Variants in RAPGEF4 observed in about 807,000 individuals in gnomAD.
RAPGEF4 encodes RAP guanine-nucleotide-exchange factor (GEF) 4.
RAPGEF4 carries 66 observed loss-of-function variants against 147.9 expected under a neutral mutation model. The ratio of observed to expected loss-of-function variants is 0.45; its 90% CI spans 0.37 to 0.55. The LOEUF is 0.55. Among genes scored for constraint, RAPGEF4 ranks in the 20% least tolerant of loss-of-function variants. The probability of loss-of-function intolerance (pLI) is 0.00; values close to 1 mark genes in which losing one functional copy is unlikely to be tolerated. For synonymous variants in RAPGEF4, 419 were observed against 442.7 expected, an observed-to-expected ratio of 0.95 and a Z score of 0.67; for missense variants, 1,071 against 1,257.3, an observed-to-expected ratio of 0.85 and a Z score of 2.24.
At chr2:172,937,355 A>G (rs6754041) in intron 6 of RAPGEF4, among the ~76,000 whole-genome samples, 26 of 152,148 alleles carry the variant, frequency 1.7e-4, no homozygotes, top group African/African-American at 6.0e-4. Context: ...CCTTTTGGCT[A>G]TCCATTTCTC....
Position 172,735,906 on chromosome 2 carries a change from C to CGAGGCG in RAPGEF4, c.-76_-71dup. 8.1e-7 allele frequency: 1 copy of CGAGGCG among 1,232,242 alleles called. No homozygotes were observed. Among genetic ancestry groups the CGAGGCG allele is most frequent in the Admixed American group, 4.0e-5 (1 of 25,180 alleles). The allele number at this position is 1,232,242 out of a possible 1,614,324, so 76.3% of individuals were successfully genotyped here. ...GGAGGAGCGGGGTCCGCGCGGCGGA[C>CGAGGCG]GAGGCGGGGGCGGAGGCGCAGGCAG... On this transcript the variant is annotated 5_prime_UTR_variant, in exon 1 of 31. Coordinates refer to ENST00000397081, the MANE Select transcript of RAPGEF4 (RefSeq NM_007023.4).
intron 1 of RAPGEF4, among the ~76,000 whole-genome samples, chr2:172,758,829 G>A (rs1344348919): frequency 6.6e-6 from 1 of 152,152 alleles, no homozygotes; most frequent in Non-Finnish European, 1.5e-5. Flanking sequence ...TTGGATATAT[G>A]CTTCTGGAGT....
chr2:172,946,503 T>C (rs1356407289), intron 6 of RAPGEF4, among the ~76,000 whole-genome samples: 1 of 152,182 alleles, frequency 6.6e-6, no homozygotes, highest in Non-Finnish European at 1.5e-5. Context: ...CTACACTTTC[T>C]CTCACCTCCT....
At chr2:172,938,111 C>G (rs1159614581) in intron 6 of RAPGEF4, among the ~76,000 whole-genome samples, 1 of 152,054 alleles carries the variant, frequency 6.6e-6, no homozygotes, top group East Asian at 1.9e-4. Flanking sequence ...GATCTTGGCG[C>G]TAGGCGTGCT....
rs181325385 is a variant in RAPGEF4, at chr2:172,898,559, T to C, written c.445-19243T>C. On this transcript the variant is annotated intron_variant, in intron 4 of 30. Coordinates refer to ENST00000397081, the MANE Select transcript of RAPGEF4 (RefSeq NM_007023.4). ...CACCCATGGGTGAGATGAACAGGCA[T>C]TGGGCAGGTTGTCTAGCTCCTTGGG... Among the ~76,000 whole-genome samples the C allele has an allele frequency of 3.2e-3, 490 of 152,270 alleles. 1 individual carries two copies. The highest frequency in any genetic ancestry group is 0.011 in the African/African-American group (474 of 41,556).
At chr2:173,019,987 A>AT (rs1008422563) in intron 22 of RAPGEF4, among the ~76,000 whole-genome samples, 8 of 151,578 alleles carry the variant, frequency 5.3e-5, no homozygotes, top group Non-Finnish European at 7.4e-5. Context: ...TTGGAGTGGG[A>AT]TTTTTTTTCT....
In RAPGEF4 at chr2:172,777,282, A is replaced by G. The variant is rs566754690; in HGVS notation, c.66-17743A>G. On this transcript the variant is annotated intron_variant, in intron 1 of 30. Transcript: ENST00000397081. ...AACAAATAAAAAAGGTATAAACAGT[A>G]TATTTATTCTTTCAACAATGTTTAT... 7.2e-5 allele frequency among the ~76,000 whole-genome samples: 11 copies of G among 151,800 alleles called. No individual in the cohort carries two copies. In the South Asian group the frequency reaches 1.0e-3, roughly 14 times the overall value.
chr2:173,005,404 T>C (rs1405753378), intron 17 of RAPGEF4, among the ~76,000 whole-genome samples: 1 of 152,134 alleles, frequency 6.6e-6, no homozygotes, highest in Non-Finnish European at 1.5e-5. Context: ...TTTTAATAAC[T>C]CTCTTTGATT....
intron 6 of RAPGEF4, among the ~76,000 whole-genome samples, chr2:172,938,931 C>T (rs889802850): frequency 9.2e-5 from 14 of 152,184 alleles, no homozygotes; most frequent in African/African-American, 2.7e-4. Context: ...TGACATCATG[C>T]GGCATGTAGC....
intron 29 of RAPGEF4, among the ~76,000 whole-genome samples, chr2:173,047,620 A>G (rs1685643874): frequency 1.3e-5 from 2 of 152,182 alleles, no homozygotes; most frequent in South Asian, 4.1e-4. Flanking sequence ...TACTCTGTGA[A>G]GTAATATTCT....
At chr2:172,901,981 T>TG (rs1214685101) in intron 4 of RAPGEF4, among the ~76,000 whole-genome samples, 5 of 151,716 alleles carry the variant, frequency 3.3e-5, no homozygotes, top group Non-Finnish European at 5.9e-5. Flanking sequence ...AGAGAATAAC[T>TG]GGGGGAGTCA....
chr2:172,993,653 G>A (rs1693044366), intron 15 of RAPGEF4, among the ~76,000 whole-genome samples: 1 of 152,124 alleles, frequency 6.6e-6, no homozygotes, highest in Non-Finnish European at 1.5e-5. Flanking sequence ...AGCAGTAGGT[G>A]CCTGGCAGTG....
intron 1 of RAPGEF4, among the ~76,000 whole-genome samples, chr2:172,751,929 A>C (rs1695329980): frequency 1.0e-5 from 1 of 97,950 alleles, no homozygotes; most frequent in Non-Finnish European, 2.4e-5. Flanking sequence ...GTCCTTTTGG[A>C]ATTTTGGTTT....
intron 1 of RAPGEF4, among the ~76,000 whole-genome samples, chr2:172,755,254 C>A (rs1695663535): frequency 6.6e-6 from 1 of 152,104 alleles, no homozygotes; most frequent in African/African-American, 2.4e-5. Flanking sequence ...TAACATTAAT[C>A]CCTTTAGGTA....
intron 1 of RAPGEF4, chr2:172,736,330 T>C (rs1693766384): frequency 3.7e-6 from 1 of 272,436 alleles, no homozygotes; most frequent in Non-Finnish European, 6.8e-6. Flanking sequence ...CTGCCGCGAC[T>C]CCAGGCTCCG....
intron 30 of RAPGEF4, among the ~76,000 whole-genome samples, chr2:173,049,256 A>G (rs1032811145): frequency 6.6e-6 from 1 of 152,216 alleles, no homozygotes; most frequent in African/African-American, 2.4e-5. Context: ...CTAATAATAA[A>G]TAACAATTTT....
At chr2:172,857,590 T>C (rs867548553) in intron 4 of RAPGEF4, among the ~76,000 whole-genome samples, 5 of 152,148 alleles carry the variant, frequency 3.3e-5, no homozygotes, top group Non-Finnish European at 7.4e-5. Flanking sequence ...CCATCTTACA[T>C]AGAAACTGGT....
chr2:172,822,632 A>G (rs1689193165), intron 4 of RAPGEF4, among the ~76,000 whole-genome samples: 1 of 152,254 alleles, frequency 6.6e-6, no homozygotes, highest in South Asian at 2.1e-4. Flanking sequence ...TATAACCAGT[A>G]GTTGCTTTCT....
chr2:172,979,908 C>T (rs1325739304), intron 10 of RAPGEF4, among the ~76,000 whole-genome samples: 2 of 152,148 alleles, frequency 1.3e-5, no homozygotes, highest in African/African-American at 4.8e-5. Context: ...ATCCCAGCTA[C>T]TCAGGAGGCT....
Sources: gnomAD v4.1 joint callset for allele counts (sites outside exome capture counted in the v4.1 genomes callset) on GRCh38, gnomAD v4.1.1 for gene constraint, MANE v1.5 for transcripts, NCBI Gene and HGNC (gene_info 2026-07-23, HGNC 2026-07-21) for gene names.